PCDHA6: variants seen among roughly 807,000 people sequenced by gnomAD.
PCDHA6 encodes the protein protocadherin alpha 6.
A neutral mutation model predicts 60.3 loss-of-function variants in PCDHA6; 55 were observed. The ratio of observed to expected loss-of-function variants is 0.91; its 90% CI spans 0.73 to 1.14. PCDHA6 has a LOEUF of 1.14. Among genes scored for constraint, PCDHA6 ranks in the 50% most tolerant of loss-of-function variants. The probability of loss-of-function intolerance (pLI) is 0.00; values close to 1 mark genes in which losing one functional copy is unlikely to be tolerated. For missense variants in PCDHA6, 1,327 were observed against 1,256.5 expected (o/e 1.06, Z -0.85); for synonymous variants, 652 against 557.9 (o/e 1.17, Z -2.38).
chr5:140,969,863 C>G (rs1305470999), intron 1 of PCDHA6, among the ~76,000 whole-genome samples: 2 of 152,156 alleles, frequency 1.3e-5, no homozygotes, highest in Non-Finnish European at 2.9e-5. Context: ...CTGGTACTTG[C>G]ACTGAACCTA....
intron 1 of PCDHA6, chr5:140,853,991 C>A: frequency 2.1e-6 from 1 of 473,788 alleles, no homozygotes; most frequent in Non-Finnish European, 2.8e-6. Context: ...TAGTGAGACT[C>A]ATCTCTGCCA....
chr5:140,877,944 A>C (rs538675333), intron 1 of PCDHA6: 48 of 1,359,672 alleles, frequency 3.5e-5, no homozygotes, highest in Non-Finnish European at 4.6e-5. Context: ...CCTTTAAACT[A>C]TCGAATGTCT....
At chr5:140,951,589 C>A (rs2094605772) in intron 1 of PCDHA6, among the ~76,000 whole-genome samples, 1 of 152,088 alleles carries the variant, frequency 6.6e-6, no homozygotes, top group Admixed American at 6.5e-5. Flanking sequence ...TTCACGAGAT[C>A]TCTCTCACTG....
At chr5:140,882,385 A>G in intron 1 of PCDHA6, 1 of 1,614,234 alleles carries the variant, frequency 6.2e-7, no homozygotes, top group Non-Finnish European at 8.5e-7. Flanking sequence ...CCGAGGAAGC[A>G]AAACACGGCA....
chr5:140,930,037 GC>G (rs2086548182), intron 1 of PCDHA6: 6 of 152,140 alleles, frequency 3.9e-5, no homozygotes, highest in African/African-American at 1.4e-4. Flanking sequence ...TTTTGTAACT[GC>G]TTTGGAGTTT....
intron 1 of PCDHA6, chr5:140,967,457 G>A: frequency 6.2e-7 from 1 of 1,613,614 alleles, no homozygotes; most frequent in Non-Finnish European, 8.5e-7. Context: ...CACAGCCGTG[G>A]ATGGGGGCAT....
chr5:140,973,850 T>G (rs767532771), intron 1 of PCDHA6, among the ~76,000 whole-genome samples: 25 of 152,176 alleles, frequency 1.6e-4, no homozygotes, highest in Admixed American at 5.2e-4. Flanking sequence ...TGCCTACCAA[T>G]TTTTGCTCTC....
rs146195620 is a variant in PCDHA6, at chr5:140,842,865, G to A, written c.2394+12380G>A. The A allele has an allele frequency of 1.3e-6, 2 of 1,593,868 alleles. 1 individual carries two copies. The highest frequency in any genetic ancestry group is 1.7e-6 in the Non-Finnish European group (2 of 1,165,400). ...TACATTTCGGTGCACACGGAGAGCGGCAAGGTGTACGCGCTGCAGCCGCTG... is the reference window on the plus strand; with the variant it reads ...TACATTTCGGTGCACACGGAGAGCGACAAGGTGTACGCGCTGCAGCCGCTG... On this transcript the variant is annotated intron_variant, in intron 1 of 3. Coordinates refer to ENST00000529310, the MANE Select transcript of PCDHA6 (RefSeq NM_018909.4).
intron 1 of PCDHA6, chr5:140,864,893 T>C (rs1554159192): frequency 1.3e-5 from 2 of 152,194 alleles, no homozygotes; most frequent in South Asian, 2.1e-4. Flanking sequence ...TTAAGCTGCA[T>C]GGTCTTCAGA....
At chr5:140,892,152 C>T (rs1364975733) in intron 1 of PCDHA6, among the ~76,000 whole-genome samples, 1 of 152,118 alleles carries the variant, frequency 6.6e-6, no homozygotes, top group African/African-American at 2.4e-5. Context: ...GCGTCTATTT[C>T]TGATATGTCC....
intron 1 of PCDHA6, chr5:140,927,278 T>C: frequency 6.2e-7 from 1 of 1,614,094 alleles, no homozygotes; most frequent in Non-Finnish European, 8.5e-7. Flanking sequence ...GCCGGCGACG[T>C]GCAGCTGCAC....
chr5:140,870,763 G>T (rs1386684596), intron 1 of PCDHA6: 1 of 1,613,434 alleles, frequency 6.2e-7, no homozygotes, highest in African/African-American at 1.3e-5. Context: ...GCAGGTGTTC[G>T]TGCTGGACGA....
intron 1 of PCDHA6, among the ~76,000 whole-genome samples, chr5:140,873,279 A>G (rs1292548146): frequency 6.6e-6 from 1 of 152,200 alleles, no homozygotes; most frequent in African/African-American, 2.4e-5. Flanking sequence ...CCATCATACC[A>G]CTTATGAAAC....
At chr5:140,882,534 G>C in intron 1 of PCDHA6, 1 of 1,614,204 alleles carries the variant, frequency 6.2e-7, no homozygotes. Flanking sequence ...GTGAATTCTC[G>C]GATCGACCGC....
intron 1 of PCDHA6, among the ~76,000 whole-genome samples, chr5:140,898,131 T>C (rs371489317): frequency 6.6e-6 from 1 of 152,156 alleles, no homozygotes; most frequent in Non-Finnish European, 1.5e-5. Context: ...TTCTCCCATT[T>C]TGTAGGTTGC....
chr5:140,978,057 T>C (rs527562348), intron 1 of PCDHA6, among the ~76,000 whole-genome samples: 1 of 152,304 alleles, frequency 6.6e-6, no homozygotes, highest in South Asian at 2.1e-4. Context: ...ACTGATGATG[T>C]CCCAGTGATT....
chr5:140,848,439 G>A (rs2150410405), intron 1 of PCDHA6: 1 of 1,486,148 alleles, frequency 6.7e-7, no homozygotes, highest in African/African-American at 1.4e-5. Flanking sequence ...GAAATCAGAT[G>A]ATTTCTTCTA....
At chr5:140,850,364 C>T in intron 1 of PCDHA6, 1 of 1,597,830 alleles carries the variant, frequency 6.3e-7, no homozygotes, top group Non-Finnish European at 8.6e-7. Flanking sequence ...TCCCGTTCCG[C>T]GTGGGGCTGT....
intron 1 of PCDHA6, among the ~76,000 whole-genome samples, chr5:140,910,407 C>T (rs781871391): frequency 6.6e-6 from 1 of 152,134 alleles, no homozygotes; most frequent in Non-Finnish European, 1.5e-5. Context: ...CCTGCCACCT[C>T]GAGATCCAAT....
Sources: gnomAD v4.1 joint callset for allele counts (sites outside exome capture counted in the v4.1 genomes callset) on GRCh38, gnomAD v4.1.1 for gene constraint, MANE v1.5 for transcripts, NCBI Gene and HGNC (gene_info 2026-07-23, HGNC 2026-07-21) for gene names.